The following PTCHD4 variants were observed in gnomAD, a reference collection of about 807,000 sequenced individuals.
The protein encoded by PTCHD4 is patched domain-containing protein 4.
Under a neutral mutation model 58.1 loss-of-function variants are expected in PTCHD4, and 33 were observed. That is an observed-to-expected ratio of 0.57 (90% confidence interval 0.43 to 0.76). The LOEUF (loss-of-function observed/expected upper bound fraction) is 0.76. Among genes scored for constraint, PTCHD4 ranks in the 30% least tolerant of loss-of-function variants. The pLI, the probability that PTCHD4 is intolerant of heterozygous loss-of-function variation, is 0.00. For synonymous variants in PTCHD4, 478 were observed against 409.6 expected (o/e 1.17, Z -2.02); for missense variants, 1,058 against 1,027.1 (o/e 1.03, Z -0.41).
intron 4 of PTCHD4, among the ~76,000 whole-genome samples, chr6:47,919,608 T>A (rs929717768): frequency 2.6e-5 from 4 of 152,084 alleles, no homozygotes; most frequent in African/African-American, 9.7e-5. Context: ...GGGAGAAAAT[T>A]ATAAATAAAA....
intron 4 of PTCHD4, among the ~76,000 whole-genome samples, chr6:47,887,018 A>C (rs1764215338): frequency 6.6e-6 from 1 of 152,192 alleles, no homozygotes; most frequent in South Asian, 2.1e-4. Context: ...CAGGTTAGGC[A>C]CTTGCCTTTT....
At chr6:48,000,452 CT>C (rs1006717905) in intron 4 of PTCHD4, among the ~76,000 whole-genome samples, 21 of 152,082 alleles carry the variant, frequency 1.4e-4, no homozygotes, top group African/African-American at 4.6e-4. Flanking sequence ...TTACTCATTT[CT>C]TTTTTTAAAA....
chr6:48,096,656 C>T (rs1220309640), intron 1 of PTCHD4, among the ~76,000 whole-genome samples: 1 of 150,646 alleles, frequency 6.6e-6, no homozygotes, highest in African/African-American at 2.4e-5. Context: ...TGCCATTGTG[C>T]TTGAAGAAGA....
At chr6:47,974,291 A>T (rs1223756791) in intron 4 of PTCHD4, among the ~76,000 whole-genome samples, 1 of 152,024 alleles carries the variant, frequency 6.6e-6, no homozygotes, top group South Asian at 2.1e-4. Context: ...CCAGAGCCAA[A>T]CTCCATTTTC....
intron 4 of PTCHD4, among the ~76,000 whole-genome samples, chr6:47,906,630 C>T (rs1437474005): frequency 6.6e-6 from 1 of 152,196 alleles, no homozygotes; most frequent in Non-Finnish European, 1.5e-5. Context: ...AACCCAATTT[C>T]TTCATTTATA....
At chr6:47,892,393 T>A (rs1764408301) in intron 4 of PTCHD4, among the ~76,000 whole-genome samples, 1 of 152,218 alleles carries the variant, frequency 6.6e-6, no homozygotes, top group South Asian at 2.1e-4. Context: ...AATTCTTTCA[T>A]TTGAAGGACA....
intron 1 of PTCHD4, among the ~76,000 whole-genome samples, chr6:48,098,518 T>C (rs1582136868): frequency 6.6e-6 from 1 of 152,088 alleles, no homozygotes; most frequent in East Asian, 1.9e-4. Context: ...TTTGTATTTT[T>C]AGTAGAGGCA....
intron 3 of PTCHD4, among the ~76,000 whole-genome samples, chr6:48,038,604 C>T: frequency 7.0e-6 from 1 of 143,884 alleles, no homozygotes; most frequent in Non-Finnish European, 1.5e-5. Context: ...CATGGCACTG[C>T]ATTTGAGCCA....
chr6:47,863,473 A>G lies in PTCHD4; in HGVS notation c.*14830T>C, dbSNP rs1282182078. ...TTTCTGGTTCTTTTCTCCACCTGAC[A>G]CATACCCTACATTCTTAGGGTTGTG... On this transcript the variant is annotated 3_prime_UTR_variant, in exon 5 of 5. Transcript: ENST00000339488. Among the ~76,000 whole-genome samples, 2 of 151,974 alleles carry G rather than the reference A, an allele frequency of 1.3e-5. No individual in the cohort carries two copies. Among genetic ancestry groups the G allele is most frequent in the Non-Finnish European group, 2.9e-5 (2 of 67,928 alleles).
chr6:48,027,968 G>A (rs143719144), intron 3 of PTCHD4, among the ~76,000 whole-genome samples: 3,601 of 152,100 alleles, frequency 0.024, 123 homozygotes, highest in African/African-American at 0.074. Flanking sequence ...TTTTGAGACA[G>A]TCTCGCTCTA....
chr6:47,916,241 C>G (rs573577963), intron 4 of PTCHD4, among the ~76,000 whole-genome samples: 161 of 152,144 alleles, frequency 1.1e-3, no homozygotes, highest in Non-Finnish European at 2.0e-3. Flanking sequence ...TTAGCAGTCC[C>G]GCTAGTTTCA....
intron 4 of PTCHD4, among the ~76,000 whole-genome samples, chr6:47,987,433 C>T (rs1200808799): frequency 7.1e-6 from 1 of 141,610 alleles, no homozygotes; most frequent in Admixed American, 7.0e-5. Context: ...AAAAAAAAAA[C>T]AAGACTAAGT....
chr6:48,085,563 T>A (rs985106610), intron 1 of PTCHD4, among the ~76,000 whole-genome samples: 3 of 152,238 alleles, frequency 2.0e-5, no homozygotes, highest in Non-Finnish European at 4.4e-5. Context: ...ATACTCACAG[T>A]GTTTTCAATT....
intron 3 of PTCHD4, among the ~76,000 whole-genome samples, chr6:48,009,498 T>C (rs923862945): frequency 6.6e-6 from 1 of 152,202 alleles, no homozygotes; most frequent in Non-Finnish European, 1.5e-5. Context: ...AAGCTTGCCA[T>C]GAATTAATAA....
chr6:48,003,039 G>A (rs1314266364), intron 4 of PTCHD4, among the ~76,000 whole-genome samples: 1 of 152,010 alleles, frequency 6.6e-6, no homozygotes, highest in Non-Finnish European at 1.5e-5. Flanking sequence ...TGCTTCTCAT[G>A]CTATTTTTCT....
intron 4 of PTCHD4, among the ~76,000 whole-genome samples, chr6:47,906,305 A>G (rs778199097): frequency 6.6e-5 from 10 of 152,206 alleles, no homozygotes; most frequent in Non-Finnish European, 1.5e-4. Context: ...CACAGTGAAG[A>G]CTATCAAGAA....
intron 3 of PTCHD4, among the ~76,000 whole-genome samples, chr6:48,025,898 G>T (rs924774048): frequency 6.6e-6 from 1 of 151,980 alleles, no homozygotes; most frequent in Admixed American, 6.6e-5. Context: ...TCAGGGACAG[G>T]GCTACTCAAT....
At position 47,861,267 on chromosome 6, in the gene PTCHD4, G is replaced by A. The variant is rs995541999; in HGVS notation, c.*17036C>T. The stretch of plus-strand genomic sequence containing the variant: ...AAGAGGTGGCAACAGGGTAGAAAAC[G>A]ACTCATTAACACTCCTTGCTGATGT... On this transcript the variant is annotated 3_prime_UTR_variant, in exon 5 of 5. Transcript: ENST00000339488. Among the ~76,000 whole-genome samples, 1 of 151,890 alleles carries A rather than the reference G, an allele frequency of 6.6e-6. No homozygotes were observed. The highest frequency in any genetic ancestry group is 1.5e-5 in the Non-Finnish European group (1 of 67,906).
Position 47,868,542 on chromosome 6 carries a change from T to C in PTCHD4, c.*9761A>G, listed in dbSNP as rs552453926. Among the ~76,000 whole-genome samples the C allele has an allele frequency of 9.9e-5, 15 of 151,966 alleles. No individual in the cohort carries two copies. The highest frequency in any genetic ancestry group is 3.4e-3 in the Middle Eastern group (1 of 294). On this transcript the variant is annotated 3_prime_UTR_variant, in exon 5 of 5. Coordinates refer to ENST00000339488, the MANE Select transcript of PTCHD4 (RefSeq NM_001384253.1). Reference sequence around the variant, plus strand: ...TTTTCTTCACTGAATGGATAATTACTGAACGTCTGCAAAGCAGACATTGTG... The same window carrying C: ...TTTTCTTCACTGAATGGATAATTACCGAACGTCTGCAAAGCAGACATTGTG...
Sources: allele counts gnomAD v4.1 joint callset (sites outside exome capture counted in the v4.1 genomes callset), GRCh38; gene constraint gnomAD v4.1.1; transcripts MANE v1.5; gene names NCBI Gene and HGNC (gene_info 2026-07-23, HGNC 2026-07-21).